ZNF496: variants seen among roughly 807,000 people sequenced by gnomAD.
ZNF496 encodes NSD1 (nuclear receptor binding SET-domain containing 1)-interacting zinc finger protein 1.
Under a neutral mutation model 58.9 loss-of-function variants are expected in ZNF496, and 11 were observed. The observed-to-expected ratio is 0.19, with a 90% CI of 0.12 to 0.31. The LOEUF is 0.31. Among genes scored for constraint, ZNF496 ranks in the 10% least tolerant of loss-of-function variants. The pLI is 1.00. For missense variants in ZNF496, 660 were observed against 783.0 expected (o/e 0.84, Z 1.88); for synonymous variants, 338 against 318.2 (o/e 1.06, Z -0.66).
chr1:247,329,105 T>C lies in ZNF496; in HGVS notation c.390+84A>G, dbSNP rs1660233194. 3.8e-6 allele frequency: 6 copies of C among 1,595,690 alleles called. No individual in the cohort carries two copies. Among genetic ancestry groups the C allele is most frequent in the Middle Eastern group, 1.7e-4 (1 of 5,990 alleles). On this transcript the variant is annotated intron_variant, in intron 4 of 9. Transcript: ENST00000682384. The surrounding 1 kb of genome is among the most constrained non-coding windows in gnomAD (Gnocchi z 5.5). ...AAATGGCTCTCGATGGAACTCCTCA[T>C]TCCCCAGCCAGCACATGCATGGCCC...
At chr1:247,314,317 A>G (rs1659704585) in intron 6 of ZNF496, among the ~76,000 whole-genome samples, 1 of 151,996 alleles carries the variant, frequency 6.6e-6, no homozygotes, top group African/African-American at 2.4e-5. Flanking sequence ...TCAGCCTCCC[A>G]TAGGGCTGGG....
rs569246297 is a variant in ZNF496, at chr1:247,308,274, C to T, written c.1006+201G>A. ...CCATCACCACCGCACATTTACATCA[C>T]ACACCCACATGCCCCCAACACACAG... On this transcript the variant is annotated intron_variant, in intron 9 of 9. Coordinates refer to ENST00000682384, the MANE Select transcript of ZNF496 (RefSeq NM_032752.3). This position sits in a 1 kb window ranked among gnomAD's most constrained non-coding sequence, Gnocchi z 4.5. 6.6e-6 allele frequency among the ~76,000 whole-genome samples: 1 copy of T among 152,320 alleles called. No individual in the cohort carries two copies. The highest frequency in any genetic ancestry group is 2.4e-5 in the African/African-American group (1 of 41,566).
chr1:247,329,364 C>T lies in ZNF496; in HGVS notation c.215G>A (p.Arg72Gln), dbSNP rs146923642. ...RLWDLCGGWL[R>Q]PERHTKEQIL... ...CTGCTCCTTGGTGTGCCTCTCAGGC[C>T]GCAGCCAGCCCCCGCACAGGTCCCA... Residue 72 changes from arginine to glutamine, a missense_variant, in exon 4 of 10, where the codon CGG becomes CAG. By Grantham distance (43) the Arg-to-Gln change is conservative. Transcript: ENST00000682384. The surrounding 1 kb of genome is among the most constrained non-coding windows in gnomAD (Gnocchi z 5.5). 2.9e-4 allele frequency: 467 copies of T among 1,613,502 alleles called. 2 individuals are homozygous for T. In the African/African-American group the frequency reaches 3.3e-3, roughly 12 times the overall value.
intron 6 of ZNF496, among the ~76,000 whole-genome samples, chr1:247,319,588 C>T (rs1659891915): frequency 6.6e-6 from 1 of 152,180 alleles, no homozygotes; most frequent in African/African-American, 2.4e-5. Flanking sequence ...TCAATCAAAA[C>T]ACAGTAACTG....
At chr1:247,314,593 A>G (rs943712371) in intron 6 of ZNF496, among the ~76,000 whole-genome samples, 1 of 152,182 alleles carries the variant, frequency 6.6e-6, no homozygotes, top group African/African-American at 2.4e-5. Flanking sequence ...TTATATTACT[A>G]GTATCTATGT....
At chr1:247,310,520 C>A in intron 6 of ZNF496, 64 bp from the exon 7 acceptor site, 1 of 1,592,934 alleles carries the variant, frequency 6.3e-7, no homozygotes. Flanking sequence ...AGTCTTAGTC[C>A]ACTGAGGCTG....
rs1189237492 is a variant in ZNF496 at position 247,309,890 on chromosome 1, G to A, written c.785-84C>T. 10 of 1,511,082 alleles carry A rather than the reference G, an allele frequency of 6.6e-6. No individual in the cohort carries two copies. The African/African-American group carries it at 1.2e-4, about 19-fold the overall frequency. 93.6% of individuals were successfully genotyped at this position (1,511,082 alleles called of 1,614,324 possible). A position where few individuals can be genotyped will look rare whatever the true frequency, so the allele number is the denominator to read the frequency against. Reference sequence around the variant, plus strand: ...GGGCTGGTCCAGAAGAGAGAAGGCGGAGGGATGCCCAGCGGGCATGGCACC... The same window carrying A: ...GGGCTGGTCCAGAAGAGAGAAGGCGAAGGGATGCCCAGCGGGCATGGCACC... On this transcript the variant is annotated intron_variant, in intron 7 of 9. Transcript: ENST00000682384. This position sits in a 1 kb window ranked among gnomAD's most constrained non-coding sequence, Gnocchi z 4.3.
chr1:247,309,622 CAG>C lies in ZNF496; in HGVS notation c.892+75_892+76del, dbSNP rs2103020529. ...GCAATTAGGGGCCGCAGAGAGAAGCCAGAGAGTGGGCTCACCTCCGGCTGCCA... is the reference window on the plus strand; with the variant it reads ...GCAATTAGGGGCCGCAGAGAGAAGCCAGAGTGGGCTCACCTCCGGCTGCCA... On this transcript the variant is annotated intron_variant, in intron 8 of 9. Coordinates refer to ENST00000682384, the MANE Select transcript of ZNF496 (RefSeq NM_032752.3). This position sits in a 1 kb window ranked among gnomAD's most constrained non-coding sequence, Gnocchi z 4.3. The C allele has an allele frequency of 8.2e-6, 13 of 1,581,028 alleles. No individual in the cohort carries two copies. In the South Asian group the frequency reaches 1.4e-4, roughly 17 times the overall value.
rs1659869572 is a variant in ZNF496 at position 247,318,924 on chromosome 1, C to T, written c.651+4230G>A. 4.0e-5 allele frequency among the ~76,000 whole-genome samples: 3 copies of T among 75,356 alleles called. No individual in the cohort carries two copies. In the South Asian group the frequency reaches 1.7e-3, roughly 42 times the overall value. The allele number at this position is 75,356 out of a possible 152,430, so 49.4% of individuals were successfully genotyped here. A position where few individuals can be genotyped will look rare whatever the true frequency, so the allele number is the denominator to read the frequency against. Reference sequence around the variant, plus strand: ...AATGTATGTAGAGGAAATATTTAAACAACTGCATTATAATGGGGAAGAAGG... The same window carrying T: ...AATGTATGTAGAGGAAATATTTAAATAACTGCATTATAATGGGGAAGAAGG... On this transcript the variant is annotated intron_variant, in intron 6 of 9. Coordinates refer to ENST00000682384, the MANE Select transcript of ZNF496 (RefSeq NM_032752.3).
At chr1:247,327,819 C>T (rs1484939618) in intron 5 of ZNF496, among the ~76,000 whole-genome samples, 4 of 88,122 alleles carry the variant, frequency 4.5e-5, no homozygotes, top group Non-Finnish European at 7.6e-5. Context: ...GCCCCCCTGG[C>T]CCCCCAGACA....
In ZNF496 at chr1:247,309,867, G is replaced by A; in HGVS notation, c.785-61C>T. Reference sequence around the variant, plus strand: ...GTAATCTGATCCTGCAGCAACCAGGGCTGGTCCAGAAGAGAGAAGGCGGAG... The same window carrying A: ...GTAATCTGATCCTGCAGCAACCAGGACTGGTCCAGAAGAGAGAAGGCGGAG... On this transcript the variant is annotated intron_variant, in intron 7 of 9. Coordinates refer to ENST00000682384, the MANE Select transcript of ZNF496 (RefSeq NM_032752.3). This position sits in a 1 kb window ranked among gnomAD's most constrained non-coding sequence, Gnocchi z 4.3. The A allele has an allele frequency of 6.3e-7, 1 of 1,582,834 alleles. No individual in the cohort carries two copies. Among genetic ancestry groups the A allele is most frequent in the Non-Finnish European group, 8.6e-7 (1 of 1,157,204 alleles).
chr1:247,304,949 T>C (rs1659364094), intron 9 of ZNF496, among the ~76,000 whole-genome samples: 1 of 152,094 alleles, frequency 6.6e-6, no homozygotes, highest in Non-Finnish European at 1.5e-5. Flanking sequence ...TTGGGGGCTG[T>C]TGGGATGAGG....
intron 6 of ZNF496, among the ~76,000 whole-genome samples, chr1:247,317,060 T>C (rs1355648983): frequency 2.0e-5 from 3 of 151,532 alleles, no homozygotes; most frequent in East Asian, 3.8e-4. Context: ...ATGGGCAAGA[T>C]AGATAAACAT....
Position 247,298,085 on chromosome 1 carries a change from G to A in ZNF496, c.*2434C>T, listed in dbSNP as rs776966554. The stretch of plus-strand genomic sequence containing the variant: ...GGTAGGTGGGGTAAACGTGTACAGA[G>A]AGCCTGGCTTCTACTTGGAATTTTC... On this transcript the variant is annotated 3_prime_UTR_variant, in exon 10 of 10. Transcript: ENST00000682384. 6.6e-6 allele frequency: 1 copy of A among 152,136 alleles called. No homozygotes were observed. The highest frequency in any genetic ancestry group is 1.5e-5 in the Non-Finnish European group (1 of 68,044). 9.4% of individuals were successfully genotyped at this position (152,136 alleles called of 1,614,324 possible).
intron 7 of ZNF496, chr1:247,310,078 C>A: frequency 1.4e-6 from 2 of 1,429,238 alleles, no homozygotes; most frequent in African/African-American, 2.9e-5. Flanking sequence ...AATGGACATA[C>A]AGCACATGTT....
chr1:247,326,051 C>T lies in ZNF496; in HGVS notation c.574+2632G>A, dbSNP rs746995882. On this transcript the variant is annotated intron_variant, in intron 5 of 9. Transcript: ENST00000682384. Reference sequence around the variant, plus strand: ...ATATACACACGCATATATATATATACACACACACACACATATATACACACA... The same window carrying T: ...ATATACACACGCATATATATATATATACACACACACACATATATACACACA... Among the ~76,000 whole-genome samples the T allele has an allele frequency of 3.6e-3, 87 of 24,388 alleles. 1 individual carries two copies. Among genetic ancestry groups the T allele is most frequent in the South Asian group, 0.024 (26 of 1,072 alleles). The allele number at this position is 24,388 out of a possible 152,430, so 16.0% of individuals were successfully genotyped here.
intron 6 of ZNF496, among the ~76,000 whole-genome samples, chr1:247,315,911 CCT>C (rs1659751877): frequency 6.6e-6 from 1 of 152,066 alleles, no homozygotes; most frequent in African/African-American, 2.4e-5. Context: ...TGAATGAGCC[CCT>C]AAGTGGATCT....
In ZNF496 at chr1:247,301,204, G is replaced by C; in HGVS notation, c.1079C>G (p.Ser360Cys). Residue 360 changes from serine to cysteine, a missense_variant, in exon 10 of 10, where the codon TCT (serine) becomes TGT (cysteine). Coordinates refer to ENST00000682384, the MANE Select transcript of ZNF496 (RefSeq NM_032752.3). ...GCCATGCTGGGAGTCCTCGTCCCCA[G>C]AGCTGGAGAGAACGATCTCGATGGT... ...EVTIEIVLSSSGDEDSQHGPY... is the reference protein window; with the variant it reads ...EVTIEIVLSSCGDEDSQHGPY... 6.4e-7 allele frequency: 1 copy of C among 1,566,446 alleles called. No homozygotes were observed. The highest frequency in any genetic ancestry group is 8.7e-7 in the Non-Finnish European group (1 of 1,155,706).
At chr1:247,315,158 A>T (rs1659732079) in intron 6 of ZNF496, among the ~76,000 whole-genome samples, 1 of 148,594 alleles carries the variant, frequency 6.7e-6, no homozygotes, top group African/African-American at 2.5e-5. Flanking sequence ...TGTTAATATA[A>T]AAAAAAAACA....
Sources: allele counts gnomAD v4.1 joint callset (sites outside exome capture counted in the v4.1 genomes callset), GRCh38; gene constraint gnomAD v4.1.1; non-coding constraint Gnocchi (gnomAD v3.1); transcripts MANE v1.5; gene names NCBI Gene and HGNC (gene_info 2026-07-23, HGNC 2026-07-21).